Variants in ALG9 observed in about 807,000 individuals in gnomAD.
The protein encoded by ALG9 is alpha-1,2-mannosyltransferase ALG9.
A neutral mutation model predicts 81.8 loss-of-function variants in ALG9; 55 were observed. The ratio of observed to expected loss-of-function variants is 0.67; its 90% CI spans 0.54 to 0.84. ALG9 has a LOEUF of 0.84. ALG9 is among the 40% of genes least tolerant of loss of function. The pLI is 0.00. For missense variants in ALG9, 629 were observed against 745.0 expected, an observed-to-expected ratio of 0.84 and a Z score of 1.81; for synonymous variants, 278 against 274.3, an observed-to-expected ratio of 1.01 and a Z score of -0.13.
chr11:111,828,041 T>G (rs1174445659), intron 13 of ALG9, among the ~76,000 whole-genome samples: 1 of 151,734 alleles, frequency 6.6e-6, no homozygotes, highest in African/African-American at 2.4e-5. Context: ...TACAAAAAAA[T>G]TGGCCAGGCA....
chr11:111,865,809 C>T (rs1962196503), intron 3 of ALG9, among the ~76,000 whole-genome samples: 1 of 152,056 alleles, frequency 6.6e-6, no homozygotes, highest in Non-Finnish European at 1.5e-5. Context: ...GCTATAGCAA[C>T]CTGGTAGATT....
At chr11:111,826,570 G>C (rs1953340257) in intron 13 of ALG9, among the ~76,000 whole-genome samples, 1 of 152,058 alleles carries the variant, frequency 6.6e-6, no homozygotes, top group Non-Finnish European at 1.5e-5. Flanking sequence ...AGAATGGAGT[G>C]CAGTGGCACT....
intron 2 of ALG9, among the ~76,000 whole-genome samples, chr11:111,869,165 T>C (rs184519404): frequency 4.6e-5 from 7 of 152,370 alleles, no homozygotes; most frequent in Non-Finnish European, 1.0e-4. Context: ...TAAGACATTA[T>C]AAATTTTACA....
rs1946362656 is a variant in ALG9 at position 111,785,415 on chromosome 11, C to T, written c.*982G>A. The stretch of plus-strand genomic sequence containing the variant: ...CATTGCCTATTTGACTAGAAGTGCC[C>T]CATGCAGGATGTGCCTCACAACAGA... On this transcript the variant is annotated 3_prime_UTR_variant, in exon 15 of 15. Coordinates refer to ENST00000616540, the MANE Select transcript of ALG9 (RefSeq NM_024740.2). The T allele has an allele frequency of 6.6e-6, 1 of 152,424 alleles. No homozygotes were observed. Among genetic ancestry groups the T allele is most frequent in the Admixed American group, 6.5e-5 (1 of 15,296 alleles). 9.4% of individuals were successfully genotyped at this position (152,424 alleles called of 1,614,324 possible). A position where few individuals can be genotyped will look rare whatever the true frequency, so the allele number is the denominator to read the frequency against.
chr11:111,863,443 T>C (rs1426313609), intron 4 of ALG9, among the ~76,000 whole-genome samples: 1 of 152,174 alleles, frequency 6.6e-6, no homozygotes, highest in African/African-American at 2.4e-5. Flanking sequence ...CAAACCCATA[T>C]AAAGACCAAT....
At chr11:111,866,519 A>C (rs1382298432) in intron 3 of ALG9, among the ~76,000 whole-genome samples, 7 of 151,904 alleles carry the variant, frequency 4.6e-5, no homozygotes, top group African/African-American at 9.7e-5. Flanking sequence ...TGGGGCTAAG[A>C]CTCTCTAAGC....
In ALG9 at chr11:111,853,634, A is replaced by G; in HGVS notation, c.789+15T>C. 1 of 1,612,862 alleles carries G rather than the reference A, an allele frequency of 6.2e-7. No individual in the cohort carries two copies. The highest frequency in any genetic ancestry group is 8.5e-7 in the Non-Finnish European group (1 of 1,179,058). On this transcript the variant is annotated intron_variant, in intron 7 of 14. Coordinates refer to ENST00000616540, the MANE Select transcript of ALG9 (RefSeq NM_024740.2). ...TTACAACTTTAGGACAAAGCAAGTA[A>G]AAAAGAAAACTCACCAGAAATAGTA...
chr11:111,787,737 C>T (rs1305033947), intron 14 of ALG9, among the ~76,000 whole-genome samples: 1 of 151,396 alleles, frequency 6.6e-6, no homozygotes, highest in Admixed American at 6.6e-5. Flanking sequence ...GGATTACAGG[C>T]GTGAGCCACC....
At position 111,853,673 on chromosome 11, in the gene ALG9, C is replaced by T. The variant is rs372338362; in HGVS notation, c.765G>A (p.Ser255=). 6.0e-5 allele frequency: 97 copies of T among 1,613,956 alleles called. No individual in the cohort carries two copies. Among genetic ancestry groups the T allele is most frequent in the Non-Finnish European group, 8.1e-5 (96 of 1,180,004 alleles). ...CCAGAAATAGTATGAGGGCCATCAG[C>T]GACCAATGAAAGAAACTCTTCCACC... ...KHRWKSFFHW[S]LMALILFLVP... The change falls in exon 7 of 15, where the codon TCG becomes TCA. Residue 255 remains serine, a synonymous_variant. Transcript: ENST00000616540.
downstream of ALG9, among the ~76,000 whole-genome samples, chr11:111,777,919 A>G (rs535547518): frequency 5.9e-5 from 9 of 152,310 alleles, no homozygotes; most frequent in South Asian, 2.1e-4. Flanking sequence ...TTTCTCCCCA[A>G]ATGAGATTAA....
At chr11:111,816,529 C>G (rs376959299) in intron 13 of ALG9, among the ~76,000 whole-genome samples, 8 of 152,140 alleles carry the variant, frequency 5.3e-5, no homozygotes, top group African/African-American at 1.9e-4. Flanking sequence ...GGATAACAGG[C>G]ATGAGCCACC....
Position 111,812,129 on chromosome 11 carries a change from T to A in ALG9, c.1603-2356A>T, listed in dbSNP as rs188317385. Among the ~76,000 whole-genome samples the A allele has an allele frequency of 5.3e-3, 804 of 152,350 alleles. 4 individuals are homozygous for A. Among genetic ancestry groups the A allele is most frequent in the Non-Finnish European group, 8.0e-3 (547 of 68,030 alleles). On this transcript the variant is annotated intron_variant, in intron 13 of 14. Transcript: ENST00000616540. ...TTCCTAGACAAAAACCTTACTATTA[T>A]AAATATGTCAATTCTAAACAAATTG...
chr11:111,812,612 A>G (rs1309434841), intron 13 of ALG9, among the ~76,000 whole-genome samples: 1 of 152,058 alleles, frequency 6.6e-6, no homozygotes, highest in Non-Finnish European at 1.5e-5. Flanking sequence ...AGTTACTGTA[A>G]AGCTATAGAA....
chr11:111,831,884 AAGGGATATATT>A (rs1954434645), intron 13 of ALG9, among the ~76,000 whole-genome samples: 1 of 152,362 alleles, frequency 6.6e-6, no homozygotes, highest in East Asian at 1.9e-4. Context: ...TTTTCCAACA[AAGGGATATATT>A]AGGGAACACT....
chr11:111,780,860 T>C (rs1945894344), downstream of ALG9, among the ~76,000 whole-genome samples: 1 of 152,208 alleles, frequency 6.6e-6, no homozygotes, highest in African/African-American at 2.4e-5. Flanking sequence ...CATAGCAGTG[T>C]GATGTGGTCT....
At chr11:111,859,512 A>C (rs1959252942) in intron 5 of ALG9, among the ~76,000 whole-genome samples, 1 of 151,032 alleles carries the variant, frequency 6.6e-6, no homozygotes, top group African/African-American at 2.5e-5. Context: ...CTCAAAAAAA[A>C]AGAAAAGAAA....
intron 8 of ALG9, chr11:111,849,727 T>C (rs888609545): frequency 6.6e-6 from 1 of 151,588 alleles, no homozygotes; most frequent in African/African-American, 2.4e-5. Context: ...GAAGATGTGG[T>C]GTTTGGTTTT....
chr11:111,769,148 A>AG, the ALG9 span: 4 of 150,616 alleles, frequency 2.7e-5, no homozygotes, highest in Non-Finnish European at 4.4e-5. Context: ...CTCTAAAAAA[A>AG]AAAAAAAAAA....
chr11:111,859,282 T>C (rs548006386), intron 5 of ALG9, among the ~76,000 whole-genome samples: 1 of 152,124 alleles, frequency 6.6e-6, no homozygotes, highest in South Asian at 2.1e-4. Context: ...GGCGGGTGGA[T>C]CACGTGGTCA....
Sources: gnomAD v4.1 joint callset for allele counts (sites outside exome capture counted in the v4.1 genomes callset) on GRCh38, gnomAD v4.1.1 for gene constraint, MANE v1.5 for transcripts, NCBI Gene and HGNC (gene_info 2026-07-23, HGNC 2026-07-21) for gene names.